Variants in CYB5R4 observed in about 807,000 individuals in gnomAD.
CYB5R4 encodes the protein cytochrome b5 reductase 4.
Under a neutral mutation model 70.2 loss-of-function variants are expected in CYB5R4, and 55 were observed. The ratio of observed to expected loss-of-function variants is 0.78; its 90% CI spans 0.63 to 0.98. The LOEUF (loss-of-function observed/expected upper bound fraction) is 0.98. Among genes scored for constraint, CYB5R4 ranks in the 50% least tolerant of loss-of-function variants. CYB5R4 has a pLI of 0.00. For missense variants in CYB5R4, 562 were observed against 612.6 expected, an observed-to-expected ratio of 0.92 and a Z score of 0.87; for synonymous variants, 197 against 199.5, an observed-to-expected ratio of 0.99 and a Z score of 0.11.
rs1443802517 is a variant in CYB5R4 at position 83,927,491 on chromosome 6, C to A, written c.814+2899C>A. Among the ~76,000 whole-genome samples the A allele has an allele frequency of 2.0e-5, 3 of 152,178 alleles. No homozygotes were observed. In the East Asian group the frequency reaches 5.8e-4, roughly 29 times the overall value. ...TACCTATAAATCAGTGTTATCACAG[C>A]CTCCTTCTTGGGTTCAAAAATTTGC... On this transcript the variant is annotated intron_variant, in intron 10 of 15. Coordinates refer to ENST00000369681, the MANE Select transcript of CYB5R4 (RefSeq NM_016230.4).
At chr6:83,958,739 C>G (rs1320123562) in intron 15 of CYB5R4, among the ~76,000 whole-genome samples, 1 of 152,084 alleles carries the variant, frequency 6.6e-6, no homozygotes, top group Non-Finnish European at 1.5e-5. Flanking sequence ...GGGTTTAAAT[C>G]CCAGGTCTAC....
intron 2 of CYB5R4, among the ~76,000 whole-genome samples, chr6:83,884,694 T>C (rs1010307955): frequency 2.0e-5 from 3 of 152,170 alleles, no homozygotes; most frequent in Non-Finnish European, 2.9e-5. Flanking sequence ...TGCATTTCAA[T>C]ACAGTGAAAT....
intron 4 of CYB5R4, among the ~76,000 whole-genome samples, chr6:83,910,644 A>G (rs1588573331): frequency 6.6e-6 from 1 of 152,204 alleles, no homozygotes; most frequent in Non-Finnish European, 1.5e-5. Flanking sequence ...AGAAAGAGGA[A>G]TTTTGAACAT....
At position 83,959,877 on chromosome 6, in the gene CYB5R4, A is replaced by G; in HGVS notation, c.1565A>G (p.Ter522=). 6.3e-7 allele frequency: 1 copy of G among 1,595,944 alleles called. No individual in the cohort carries two copies. Among genetic ancestry groups the G allele is most frequent in the Non-Finnish European group, 8.5e-7 (1 of 1,172,004 alleles). Residue 522 remains the stop codon, a stop_retained_variant, in exon 16 of 16, where the codon TAA becomes TGA. Coordinates refer to ENST00000369681, the MANE Select transcript of CYB5R4 (RefSeq NM_016230.4). ...SKNEIHSFTA[*] ...AATGAGATCCATAGTTTTACAGCAT[A>G]ATGAAGAGCTGTCATTGTCCTTTAT...
chr6:83,869,614 A>C (rs991505686), intron 2 of CYB5R4, among the ~76,000 whole-genome samples: 3 of 152,210 alleles, frequency 2.0e-5, no homozygotes, highest in African/African-American at 7.2e-5. Context: ...GGATCACCTG[A>C]GGTCACGAGT....
intron 12 of CYB5R4, among the ~76,000 whole-genome samples, chr6:83,939,418 A>G (rs1325469): frequency 0.29 from 43,556 of 152,118 alleles, 12,211 homozygotes; most frequent in African/African-American, 0.73. Flanking sequence ...TTGGTAAGTG[A>G]CATGCTCCAA....
chr6:83,919,440 T>G lies in CYB5R4; in HGVS notation c.550T>G (p.Tyr184Asp). The change falls in exon 7 of 16, where the codon TAT (tyrosine) becomes GAT (aspartate). Residue 184 changes from tyrosine to aspartate, a missense_variant. Coordinates refer to ENST00000369681, the MANE Select transcript of CYB5R4 (RefSeq NM_016230.4). ...AGACTCTTTAGTCACCATTGCCATATATACTAAACAGAAGGTAAATATGTC... is the reference window on the plus strand; with the variant it reads ...AGACTCTTTAGTCACCATTGCCATAGATACTAAACAGAAGGTAAATATGTC... ...QTDSLVTIAI[Y>D]TKQKDINLDS... 1 of 1,504,592 alleles carries G rather than the reference T, an allele frequency of 6.6e-7. No individual in the cohort carries two copies. The highest frequency in any genetic ancestry group is 9.1e-7 in the Non-Finnish European group (1 of 1,103,994). The allele number at this position is 1,504,592 out of a possible 1,614,324, so 93.2% of individuals were successfully genotyped here. A position where few individuals can be genotyped will look rare whatever the true frequency, so the allele number is the denominator to read the frequency against.
At chr6:83,910,280 A>G (rs2099464472) in intron 4 of CYB5R4, 1 of 698,988 alleles carries the variant, frequency 1.4e-6, no homozygotes, top group African/African-American at 1.8e-5. Flanking sequence ...CTCATTGGTA[A>G]AATGGAGACA....
chr6:83,946,430 A>G (rs1238258130), intron 14 of CYB5R4, among the ~76,000 whole-genome samples: 1 of 152,226 alleles, frequency 6.6e-6, no homozygotes, highest in Non-Finnish European at 1.5e-5. Flanking sequence ...TTAAAGTAAT[A>G]AGAGCAGTTT....
At chr6:83,923,288 A>C (rs998958209) in intron 9 of CYB5R4, among the ~76,000 whole-genome samples, 1 of 152,150 alleles carries the variant, frequency 6.6e-6, no homozygotes, top group African/African-American at 2.4e-5. Context: ...TCTTGTTTTC[A>C]AGTACTGTCA....
At chr6:83,890,569 G>T (rs948152824) in intron 2 of CYB5R4, among the ~76,000 whole-genome samples, 8 of 152,176 alleles carry the variant, frequency 5.3e-5, no homozygotes, top group African/African-American at 1.9e-4. Flanking sequence ...CACTTAGTTC[G>T]TAAAACAACA....
intron 3 of CYB5R4, among the ~76,000 whole-genome samples, chr6:83,895,104 T>A (rs993743762): frequency 1.3e-5 from 2 of 152,196 alleles, no homozygotes; most frequent in Non-Finnish European, 2.9e-5. Flanking sequence ...TTTTTATTGC[T>A]GTTTTAAGGC....
At chr6:83,940,735 AAC>A in intron 14 of CYB5R4, 134 bp downstream of exon 14, 1 of 1,084,076 alleles carries the variant, frequency 9.2e-7, no homozygotes, top group Non-Finnish European at 1.3e-6. Flanking sequence ...ATAATTCTCT[AAC>A]TAGAAATCAT....
chr6:83,940,638 A>G, intron 14 of CYB5R4, 37 bp downstream of exon 14: 2 of 1,576,440 alleles, frequency 1.3e-6, no homozygotes, highest in Non-Finnish European at 1.7e-6. Flanking sequence ...TTAGTTATTT[A>G]TACCTGGGTA....
At chr6:83,903,963 ATTTTG>A (rs1175691485) in intron 3 of CYB5R4, among the ~76,000 whole-genome samples, 1 of 151,848 alleles carries the variant, frequency 6.6e-6, no homozygotes, top group East Asian at 1.9e-4. Flanking sequence ...TGGCTTATCA[ATTTTG>A]TTTTATCTTT....
chr6:83,863,833 A>C (rs998286077), intron 1 of CYB5R4, among the ~76,000 whole-genome samples: 11 of 152,204 alleles, frequency 7.2e-5, no homozygotes, highest in Admixed American at 5.9e-4. Context: ...AGATTATTTA[A>C]AGTATATGTG....
At chr6:83,893,425 G>C (rs1162110587) in intron 2 of CYB5R4, 97 bp from the exon 3 acceptor site, 6 of 674,666 alleles carry the variant, frequency 8.9e-6, no homozygotes, top group Non-Finnish European at 1.5e-5. Flanking sequence ...TAATTAAATG[G>C]AATGTATTTG....
At chr6:83,940,748 G>A (rs2099469625) in intron 14 of CYB5R4, 147 bp downstream of exon 14, 4 of 1,023,218 alleles carry the variant, frequency 3.9e-6, no homozygotes, top group Non-Finnish European at 5.4e-6. Context: ...TAGAAATCAT[G>A]TTAAATGTTC....
intron 8 of CYB5R4, 57 bp from the exon 9 acceptor site, chr6:83,922,381 T>A: frequency 6.9e-7 from 1 of 1,459,034 alleles, no homozygotes; most frequent in South Asian, 1.2e-5. Context: ...ACATATGGTG[T>A]TCAAAAACTG....
Sources: gnomAD v4.1 joint callset for allele counts (sites outside exome capture counted in the v4.1 genomes callset) on GRCh38, gnomAD v4.1.1 for gene constraint, MANE v1.5 for transcripts, NCBI Gene and HGNC (gene_info 2026-07-23, HGNC 2026-07-21) for gene names.